PPP2R5A: variants seen among roughly 807,000 people sequenced by gnomAD.
PPP2R5A encodes the protein protein phosphatase 2 regulatory subunit B'alpha, also known as serine/threonine-protein phosphatase 2A 56 kDa regulatory subunit alpha isoform.
In PPP2R5A, 25 loss-of-function variants were observed where a neutral mutation model predicts 64.2. The ratio of observed to expected loss-of-function variants is 0.39; its 90% CI spans 0.28 to 0.54. The LOEUF (loss-of-function observed/expected upper bound fraction) is 0.54, where lower values mean the gene tolerates loss of function less well. PPP2R5A is among the 20% of genes least tolerant of loss of function. PPP2R5A has a pLI of 0.67. For synonymous variants in PPP2R5A, 198 were observed against 201.2 expected (o/e 0.98, Z 0.13); for missense variants, 425 against 576.3 (o/e 0.74, Z 2.69).
chr1:212,358,584 A>T, intron 11 of PPP2R5A, 102 bp from the exon 12 acceptor site: 1 of 784,176 alleles, frequency 1.3e-6, no homozygotes, highest in Non-Finnish European at 2.0e-6. Context: ...AAAATGGATT[A>T]AATGAAATCA....
At chr1:212,356,161 G>GT (rs1213216237) in intron 8 of PPP2R5A, among the ~76,000 whole-genome samples, 23 of 151,108 alleles carry the variant, frequency 1.5e-4, no homozygotes, top group East Asian at 1.2e-3. Context: ...GCTGTCCAGG[G>GT]TTTTTTTTTG....
chr1:212,336,452 C>T (rs539797318), intron 3 of PPP2R5A, among the ~76,000 whole-genome samples: 1 of 152,122 alleles, frequency 6.6e-6, no homozygotes, highest in Non-Finnish European at 1.5e-5. Context: ...TCTCTCAAGA[C>T]AAATTCCCAG....
intron 1 of PPP2R5A, among the ~76,000 whole-genome samples, chr1:212,325,373 T>C (rs555452376): frequency 6.6e-6 from 1 of 152,094 alleles, no homozygotes; most frequent in Non-Finnish European, 1.5e-5. Context: ...GGAAATCTAG[T>C]GAAGTATTTC....
At chr1:212,321,297 G>T (rs1390392834) in intron 1 of PPP2R5A, among the ~76,000 whole-genome samples, 3 of 141,170 alleles carry the variant, frequency 2.1e-5, no homozygotes, top group African/African-American at 2.6e-5. Context: ...CTCCCGGACG[G>T]GGCGGCTGGC....
At chr1:212,313,450 C>T (rs1032218477) in intron 1 of PPP2R5A, among the ~76,000 whole-genome samples, 6 of 151,928 alleles carry the variant, frequency 3.9e-5, no homozygotes, top group Non-Finnish European at 7.4e-5. Context: ...ATATACTTAT[C>T]GGTCATTTAT....
chr1:212,318,030 C>T (rs1435304416), intron 1 of PPP2R5A, among the ~76,000 whole-genome samples: 1 of 152,074 alleles, frequency 6.6e-6, no homozygotes, highest in Admixed American at 6.5e-5. Flanking sequence ...TTGGGAAAAA[C>T]CTAGCGGGGC....
At chr1:212,329,383 G>T in intron 2 of PPP2R5A, 52 bp downstream of exon 2, 1 of 1,345,732 alleles carries the variant, frequency 7.4e-7, no homozygotes. Flanking sequence ...AAGATCTGAG[G>T]TATAATAATG....
At chr1:212,352,393 T>C (rs1659902225) in intron 8 of PPP2R5A, among the ~76,000 whole-genome samples, 1 of 151,962 alleles carries the variant, frequency 6.6e-6, no homozygotes, top group Non-Finnish European at 1.5e-5. Flanking sequence ...CTGCCCGACA[T>C]TGAAATTTGT....
chr1:212,300,473 T>C (rs1238073981), intron 1 of PPP2R5A, among the ~76,000 whole-genome samples: 2 of 152,192 alleles, frequency 1.3e-5, no homozygotes, highest in Non-Finnish European at 2.9e-5. Flanking sequence ...TTGTAAAAAC[T>C]TACAGACTCA....
At chr1:212,320,811 G>T (rs1157232146) in intron 1 of PPP2R5A, among the ~76,000 whole-genome samples, 1 of 139,982 alleles carries the variant, frequency 7.1e-6, no homozygotes, top group East Asian at 2.3e-4. Context: ...CGGGCGGGGG[G>T]CTGACCCCCC....
intron 1 of PPP2R5A, among the ~76,000 whole-genome samples, chr1:212,322,346 T>C (rs1257089028): frequency 6.6e-6 from 1 of 151,990 alleles, no homozygotes; most frequent in Non-Finnish European, 1.5e-5. Flanking sequence ...GAAGACAGGC[T>C]GATCTTTTTT....
At chr1:212,318,142 T>C (rs1468086798) in intron 1 of PPP2R5A, among the ~76,000 whole-genome samples, 2 of 152,224 alleles carry the variant, frequency 1.3e-5, no homozygotes, top group Non-Finnish European at 2.9e-5. Context: ...CTTGAGGCCA[T>C]GCAGGGATTT....
At chr1:212,359,595 A>G (rs1042820321) in intron 12 of PPP2R5A, among the ~76,000 whole-genome samples, 4 of 152,162 alleles carry the variant, frequency 2.6e-5, no homozygotes, top group Non-Finnish European at 5.9e-5. Flanking sequence ...ACCTGAGCCC[A>G]CCCATTATTT....
intron 1 of PPP2R5A, among the ~76,000 whole-genome samples, chr1:212,327,342 A>C (rs1445281296): frequency 1.3e-5 from 2 of 152,230 alleles, no homozygotes; most frequent in East Asian, 3.8e-4. Context: ...GTTAGAAACA[A>C]AAGGATTTAA....
At chr1:212,305,457 G>C (rs987416168) in intron 1 of PPP2R5A, among the ~76,000 whole-genome samples, 10 of 151,988 alleles carry the variant, frequency 6.6e-5, no homozygotes, top group African/African-American at 2.2e-4. Context: ...GTCTTTCCTG[G>C]TGGATGTACC....
At chr1:212,357,857 T>C (rs1227034902) in intron 11 of PPP2R5A, 1 of 150,576 alleles carries the variant, frequency 6.6e-6, no homozygotes, top group African/African-American at 2.4e-5. Context: ...AGTGCAATGG[T>C]GCAATCATAC....
chr1:212,325,446 C>G (rs1659388883), intron 1 of PPP2R5A, among the ~76,000 whole-genome samples: 1 of 152,078 alleles, frequency 6.6e-6, no homozygotes, highest in Non-Finnish European at 1.5e-5. Context: ...TGGTTTCATT[C>G]ACATTGAGGA....
At chr1:212,334,232 C>T (rs1315348520) in intron 3 of PPP2R5A, among the ~76,000 whole-genome samples, 1 of 152,022 alleles carries the variant, frequency 6.6e-6, no homozygotes, top group Non-Finnish European at 1.5e-5. Context: ...CTGTTATGAA[C>T]AGTTCTATGT....
intron 1 of PPP2R5A, among the ~76,000 whole-genome samples, chr1:212,311,594 A>G (rs989975874): frequency 2.0e-5 from 3 of 152,030 alleles, no homozygotes; most frequent in African/African-American, 7.2e-5. Context: ...CCTTCTACTT[A>G]TTACAAAAAA....
Sources: allele counts gnomAD v4.1 joint callset (sites outside exome capture counted in the v4.1 genomes callset), GRCh38; gene constraint gnomAD v4.1.1; transcripts MANE v1.5; gene names NCBI Gene and HGNC (gene_info 2026-07-23, HGNC 2026-07-21).